Variants in MLIP observed in about 807,000 individuals in gnomAD.
The protein encoded by MLIP is muscular LMNA interacting protein, also known as muscular LMNA-interacting protein.
MLIP carries 79 observed loss-of-function variants against 84.8 expected under a neutral mutation model. The observed-to-expected ratio is 0.93, with a 90% CI of 0.78 to 1.12. The LOEUF is 1.12. Among genes scored for constraint, MLIP ranks in the 50% most tolerant of loss-of-function variants. The probability of loss-of-function intolerance (pLI) is 0.00; values close to 1 mark genes in which losing one functional copy is unlikely to be tolerated. For synonymous variants in MLIP, 504 were observed against 463.0 expected (o/e 1.09, Z -1.14); for missense variants, 1,257 against 1,160.6 (o/e 1.08, Z -1.21).
chr6:54,239,204 C>CTGAACA (rs1781560657), intron 12 of MLIP, among the ~76,000 whole-genome samples: 1 of 151,838 alleles, frequency 6.6e-6, no homozygotes, highest in Non-Finnish European at 1.5e-5. Flanking sequence ...TTGCCCAGAA[C>CTGAACA]CCCTCATAGC....
rs970307943 is a variant in MLIP, at chr6:54,052,712, C to T, written c.63+33621C>T. Among the ~76,000 whole-genome samples the T allele has an allele frequency of 3.9e-5, 6 of 151,986 alleles. No individual in the cohort carries two copies. The East Asian group carries it at 1.2e-3, about 29-fold the overall frequency. ...GATAAATTATAAGGAAAAAATTATA[C>T]TACTTATTGAAAAGGGGAGAGTGAT... On this transcript the variant is annotated intron_variant, in intron 1 of 12. Transcript: ENST00000274897.
At chr6:54,029,284 G>C (rs1358491238) in intron 1 of MLIP, 1 of 152,206 alleles carries the variant, frequency 6.6e-6, no homozygotes, top group Non-Finnish European at 1.5e-5. Context: ...AAGAGGTGGG[G>C]CTTTTAAGAG....
intron 1 of MLIP, among the ~76,000 whole-genome samples, chr6:54,080,524 G>A (rs1046725293): frequency 6.6e-6 from 1 of 151,672 alleles, no homozygotes; most frequent in Non-Finnish European, 1.5e-5. Flanking sequence ...AATGGACTAA[G>A]CTTCAAAAAA....
At chr6:54,026,956 T>G (rs1483721794) in intron 1 of MLIP, among the ~76,000 whole-genome samples, 1 of 152,226 alleles carries the variant, frequency 6.6e-6, no homozygotes, top group South Asian at 2.1e-4. Context: ...TGCTATGCTC[T>G]TCATTATTTT....
chr6:54,185,451 T>A (rs966757594), intron 9 of MLIP, among the ~76,000 whole-genome samples: 36 of 152,316 alleles, frequency 2.4e-4, no homozygotes, highest in African/African-American at 8.2e-4. Context: ...ATGTCATGAT[T>A]CCCAATGAAG....
At chr6:54,244,550 G>A (rs1295040563) in intron 12 of MLIP, among the ~76,000 whole-genome samples, 2 of 152,112 alleles carry the variant, frequency 1.3e-5, no homozygotes, top group African/African-American at 4.8e-5. Context: ...GATATTTTAA[G>A]AGAAGTGGTT....
chr6:54,096,042 T>G (rs561422251), intron 1 of MLIP, among the ~76,000 whole-genome samples: 3 of 152,258 alleles, frequency 2.0e-5, no homozygotes, highest in East Asian at 3.9e-4. Context: ...AACAAAAAAC[T>G]TATATCTTAT....
intron 2 of MLIP, among the ~76,000 whole-genome samples, chr6:54,124,238 G>T (rs2150442886): frequency 1.3e-5 from 2 of 152,208 alleles, no homozygotes. Flanking sequence ...AGTTAGGTTT[G>T]CCTGTTGATG....
In MLIP at chr6:54,230,823, G is replaced by A. The variant is rs747272143; in HGVS notation, c.2828G>A (p.Cys943Tyr). The A allele has an allele frequency of 1.2e-6, 2 of 1,614,004 alleles. No homozygotes were observed. The highest frequency in any genetic ancestry group is 4.5e-5 in the East Asian group (2 of 44,868). Residue 943 changes from cysteine to tyrosine, a missense_variant, in exon 12 of 14, where the codon TGT (cysteine) becomes TAT (tyrosine). Physicochemically the swap from Cys to Tyr is radical, Grantham distance 194. Coordinates refer to ENST00000502396, the MANE Select transcript of MLIP (RefSeq NM_001281747.2). Reference protein sequence around the residue: ...LHPQTLSHADCLAPGPFSHLS... With the variant: ...LHPQTLSHADYLAPGPFSHLS... Reference sequence around the variant, plus strand: ...CCACAGACCCTCTCACATGCTGACTGTCTTGCCCCAGGACCCTTCAGTCAT... The same window carrying A: ...CCACAGACCCTCTCACATGCTGACTATCTTGCCCCAGGACCCTTCAGTCAT...
intron 12 of MLIP, among the ~76,000 whole-genome samples, chr6:54,242,017 G>A (rs1248167978): frequency 6.6e-6 from 1 of 152,158 alleles, no homozygotes; most frequent in Non-Finnish European, 1.5e-5. Flanking sequence ...TAGGAGAAAT[G>A]AAAAACAATA....
intron 11 of MLIP, chr6:54,216,554 G>A (rs1307921883): frequency 2.0e-6 from 2 of 983,756 alleles, no homozygotes; most frequent in South Asian, 4.7e-5. Flanking sequence ...TACACTTTAA[G>A]CACTAAGTTA....
At chr6:54,239,367 A>AT (rs1491464537) in intron 12 of MLIP, among the ~76,000 whole-genome samples, 9 of 145,288 alleles carry the variant, frequency 6.2e-5, no homozygotes, top group African/African-American at 1.8e-4. Context: ...ATATATATAT[A>AT]ATATATATAT....
At chr6:54,115,329 T>A (rs1769819910) in intron 1 of MLIP, among the ~76,000 whole-genome samples, 1 of 152,152 alleles carries the variant, frequency 6.6e-6, no homozygotes, top group Non-Finnish European at 1.5e-5. Context: ...AAAGAGTAAC[T>A]GTGGTCAACT....
At chr6:54,195,598 C>G (rs1049845602) in intron 10 of MLIP, among the ~76,000 whole-genome samples, 1 of 152,040 alleles carries the variant, frequency 6.6e-6, no homozygotes, top group African/African-American at 2.4e-5. Context: ...GAAATAGTAT[C>G]TATTTACATA....
intron 10 of MLIP, among the ~76,000 whole-genome samples, chr6:54,198,212 G>A (rs953766148): frequency 2.0e-5 from 3 of 152,080 alleles, no homozygotes; most frequent in African/African-American, 7.2e-5. Context: ...GGCTTAGGTC[G>A]GGCACTGAGC....
In MLIP at chr6:54,119,723, T is replaced by A. The variant is rs578026066; in HGVS notation, c.97-1724T>A. Among the ~76,000 whole-genome samples the A allele has an allele frequency of 3.9e-5, 6 of 152,308 alleles. No individual in the cohort carries two copies. The South Asian group carries it at 6.2e-4, about 16-fold the overall frequency. On this transcript the variant is annotated intron_variant, in intron 1 of 13. Transcript: ENST00000502396. Reference sequence around the variant, plus strand: ...TCTCACCAAAAAAATGATAATTACGTGAGGAACTGTATTTGTTAATTAACT... The same window carrying A: ...TCTCACCAAAAAAATGATAATTACGAGAGGAACTGTATTTGTTAATTAACT...
chr6:54,148,529 CA>C (rs1221672794), intron 4 of MLIP, among the ~76,000 whole-genome samples: 1 of 152,010 alleles, frequency 6.6e-6, no homozygotes, highest in Non-Finnish European at 1.5e-5. Context: ...TATTTATGTT[CA>C]AATTATTGAC....
intron 1 of MLIP, among the ~76,000 whole-genome samples, chr6:54,092,359 A>C (rs1220933122): frequency 1.3e-5 from 2 of 152,168 alleles, no homozygotes; most frequent in Non-Finnish European, 2.9e-5. Context: ...GAAAACAAGA[A>C]CTAGAAAGTT....
At chr6:54,024,255 G>A (rs4712052) in intron 1 of MLIP, among the ~76,000 whole-genome samples, 84,800 of 152,040 alleles carry the variant, frequency 0.56, 25,715 homozygotes, top group Non-Finnish European at 0.69. Flanking sequence ...CAGGTAATTC[G>A]CCCACCTTAG....
Sources: gnomAD v4.1 joint callset for allele counts (sites outside exome capture counted in the v4.1 genomes callset) on GRCh38, gnomAD v4.1.1 for gene constraint, MANE v1.5 for transcripts, NCBI Gene and HGNC (gene_info 2026-07-23, HGNC 2026-07-21) for gene names.